XKR4: variants seen among roughly 807,000 people sequenced by gnomAD.
XKR4 encodes XK related 4.
In XKR4, 12 loss-of-function variants were observed where a neutral mutation model predicts 53.9. That is an observed-to-expected ratio of 0.22 (90% CI 0.14 to 0.36). XKR4 has a LOEUF of 0.36. Ranked by LOEUF, XKR4 falls within the 10% of genes least tolerant of loss-of-function variation. The pLI is 1.00. For synonymous variants in XKR4, 354 were observed against 362.4 expected, an observed-to-expected ratio of 0.98 and a Z score of 0.26; for missense variants, 799 against 859.5, an observed-to-expected ratio of 0.93 and a Z score of 0.88.
chr8:55,454,128 C>T (rs988193840), intron 2 of XKR4: 3 of 868,490 alleles, frequency 3.5e-6, no homozygotes, highest in Admixed American at 3.4e-5. Context: ...AAGGCGAGGT[C>T]AACCAACTCC....
chr8:55,501,958 A>T (rs1208477147), intron 2 of XKR4, among the ~76,000 whole-genome samples: 1 of 152,142 alleles, frequency 6.6e-6, no homozygotes, highest in Non-Finnish European at 1.5e-5. Context: ...CCTATAGCAC[A>T]TCTTCCCATA....
intron 1 of XKR4, among the ~76,000 whole-genome samples, chr8:55,125,779 A>C (rs1816458980): frequency 6.6e-6 from 1 of 152,356 alleles, no homozygotes; most frequent in African/African-American, 2.4e-5. Flanking sequence ...CCAGAAAAAA[A>C]AAATCAACAT....
chr8:55,161,237 G>A (rs188137407), intron 1 of XKR4, among the ~76,000 whole-genome samples: 122 of 152,310 alleles, frequency 8.0e-4, no homozygotes, highest in African/African-American at 2.9e-3. Context: ...CCACACAGGT[G>A]CAATAAAACC....
intron 1 of XKR4, among the ~76,000 whole-genome samples, chr8:55,198,283 C>T (rs1253481195): frequency 6.6e-6 from 1 of 152,164 alleles, no homozygotes; most frequent in East Asian, 1.9e-4. Flanking sequence ...GACATCTACT[C>T]AACCTGGGTA....
intron 1 of XKR4, among the ~76,000 whole-genome samples, chr8:55,199,583 G>T (rs1023711876): frequency 1.3e-5 from 2 of 152,152 alleles, no homozygotes; most frequent in Admixed American, 6.5e-5. Context: ...AACCACCTGC[G>T]CAGAGTTTCA....
chr8:55,281,744 G>C (rs561090524), intron 1 of XKR4, among the ~76,000 whole-genome samples: 9 of 152,262 alleles, frequency 5.9e-5, no homozygotes, highest in African/African-American at 1.7e-4. Context: ...GTCTTGACAT[G>C]TTCTGTCAAA....
In XKR4 at chr8:55,540,280, T is replaced by G. The variant is rs1479899903; in HGVS notation, c.*16053T>G. 1 of 152,224 alleles carries G rather than the reference T, an allele frequency of 6.6e-6. No individual in the cohort carries two copies. The highest frequency in any genetic ancestry group is 2.4e-5 in the African/African-American group (1 of 41,470). 9.4% of individuals were successfully genotyped at this position (152,224 alleles called of 1,614,324 possible). A position where few individuals can be genotyped will look rare whatever the true frequency, so the allele number is the denominator to read the frequency against. ...TATTTCCCATTAACATTGTATTCCA[T>G]GAACAAGTGATAGAAAACATATGGA... On this transcript the variant is annotated 3_prime_UTR_variant, in exon 3 of 3. Transcript: ENST00000327381.
At chr8:55,444,353 A>G (rs1805314628) in intron 2 of XKR4, among the ~76,000 whole-genome samples, 1 of 152,248 alleles carries the variant, frequency 6.6e-6, no homozygotes, top group Non-Finnish European at 1.5e-5. Context: ...TGAAAACCAT[A>G]CAGAGAGTTA....
chr8:55,203,955 A>C (rs1563482116), intron 1 of XKR4, among the ~76,000 whole-genome samples: 1 of 152,162 alleles, frequency 6.6e-6, no homozygotes, highest in Non-Finnish European at 1.5e-5. Context: ...TCACTGGAAG[A>C]GATGTGTACA....
In XKR4 at chr8:55,257,874, T is replaced by C. The variant is rs920978756; in HGVS notation, c.807-99804T>C. ...TCTCAGGTCATATTTGTTTTCTTCA[T>C]ACACAAATTCTGTTCTCTCCTCTGA... On this transcript the variant is annotated intron_variant, in intron 1 of 2. Coordinates refer to ENST00000327381, the MANE Select transcript of XKR4 (RefSeq NM_052898.2). Among the ~76,000 whole-genome samples the C allele has an allele frequency of 9.4e-4, 143 of 152,238 alleles. 8 individuals are homozygous for C. The highest frequency in any genetic ancestry group is 4.4e-5 in the Non-Finnish European group (3 of 68,044).
intron 1 of XKR4, among the ~76,000 whole-genome samples, chr8:55,310,145 C>A (rs1027069603): frequency 6.6e-6 from 1 of 152,028 alleles, no homozygotes; most frequent in East Asian, 1.9e-4. Context: ...AGAAAAACAC[C>A]AAGAGCCAAA....
intron 1 of XKR4, chr8:55,135,484 G>A (rs1382054212): frequency 2.5e-6 from 1 of 402,194 alleles, no homozygotes; most frequent in African/African-American, 2.1e-5. Flanking sequence ...ATCTGAATCG[G>A]TGGCTTCACT....
In XKR4 at chr8:55,102,070, A is replaced by C. The variant is rs1816046453; in HGVS notation, c.-419A>C. Among the ~76,000 whole-genome samples the C allele has an allele frequency of 6.6e-6, 1 of 151,620 alleles. No individual in the cohort carries two copies. The highest frequency in any genetic ancestry group is 1.5e-5 in the Non-Finnish European group (1 of 67,874). ...CAGCTGGTGGAGGAGAGGAAGCGGG[A>C]GGAGGGAGCGCGCGCGAGGGGAGGA... On this transcript the variant is annotated 5_prime_UTR_variant, in exon 1 of 3. Coordinates refer to ENST00000327381, the MANE Select transcript of XKR4 (RefSeq NM_052898.2). The surrounding 1 kb of genome is among the most constrained non-coding windows in gnomAD (Gnocchi z 5.1).
At chr8:55,404,336 TAAAA>T (rs1264003317) in intron 2 of XKR4, among the ~76,000 whole-genome samples, 1 of 152,270 alleles carries the variant, frequency 6.6e-6, no homozygotes, top group East Asian at 1.9e-4. Flanking sequence ...AATTTTATAA[TAAAA>T]AATATTAGAG....
At chr8:55,148,177 A>G (rs1341652079) in intron 1 of XKR4, among the ~76,000 whole-genome samples, 1 of 152,222 alleles carries the variant, frequency 6.6e-6, no homozygotes, top group African/African-American at 2.4e-5. Context: ...AAAGGCATAT[A>G]GCTTCCTTTT....
At chr8:55,427,722 C>G (rs2622600) in intron 2 of XKR4, among the ~76,000 whole-genome samples, 87,545 of 152,164 alleles carry the variant, frequency 0.58, 27,996 homozygotes, top group African/African-American at 0.87. Flanking sequence ...AAGAGCAAAT[C>G]TGCCTCAACA....
At chr8:55,351,766 T>G (rs1199606247) in intron 1 of XKR4, among the ~76,000 whole-genome samples, 4 of 152,240 alleles carry the variant, frequency 2.6e-5, no homozygotes, top group African/African-American at 9.6e-5. Context: ...ATTGCACTAG[T>G]CTTCCGGCCA....
intron 2 of XKR4, among the ~76,000 whole-genome samples, chr8:55,388,714 A>G (rs770248878): frequency 4.6e-5 from 7 of 152,220 alleles, no homozygotes; most frequent in Non-Finnish European, 1.0e-4. Context: ...TGAGTTTGAG[A>G]GGACACAACC....
chr8:55,200,726 C>T (rs917388390), intron 1 of XKR4, among the ~76,000 whole-genome samples: 12 of 152,246 alleles, frequency 7.9e-5, no homozygotes, highest in Admixed American at 5.2e-4. Context: ...GAAAGTCTTA[C>T]GGGAGAGAGG....
Sources: gnomAD v4.1 joint callset for allele counts (sites outside exome capture counted in the v4.1 genomes callset) on GRCh38, gnomAD v4.1.1 for gene constraint, Gnocchi (gnomAD v3.1) non-coding constraint, MANE v1.5 for transcripts, NCBI Gene and HGNC (gene_info 2026-07-23, HGNC 2026-07-21) for gene names.